Variants in NCOA6 observed in about 807,000 individuals in gnomAD.
NCOA6 encodes NRC RAP250.
A neutral mutation model predicts 171.4 loss-of-function variants in NCOA6; 49 were observed. That is an observed-to-expected ratio of 0.29 (90% CI 0.23 to 0.36). The LOEUF is 0.36. Ranked by LOEUF, NCOA6 falls within the 10% of genes least tolerant of loss-of-function variation. The pLI is 1.00. For missense variants in NCOA6, 2,248 were observed against 2,554.5 expected (o/e 0.88, Z 2.59); for synonymous variants, 910 against 927.5 (o/e 0.98, Z 0.34).
In NCOA6 at chr20:34,750,450, G is replaced by A; in HGVS notation, c.1745C>T (p.Pro582Leu). ...GTTGCCATGAATTCCCATGAGGCTG[G>A]GCTGCATCATATTTGGCGGCCCGTG... The part of the protein sequence containing the change: ...VSHGPPNMMQ[P>L]SLMGIHGNMN... Residue 582 changes from proline to leucine, a missense_variant, in exon 9 of 15, where the codon CCC becomes CTC. By Grantham distance (98) the Pro-to-Leu change is moderately conservative (BLOSUM62 -3). Transcript: ENST00000359003. 3 of 1,613,938 alleles carry A rather than the reference G, an allele frequency of 1.9e-6. No individual in the cohort carries two copies. Among genetic ancestry groups the A allele is most frequent in the Non-Finnish European group, 2.5e-6 (3 of 1,179,992 alleles).
At chr20:34,796,823 T>TA (rs2078091492) in intron 1 of NCOA6, among the ~76,000 whole-genome samples, 1 of 141,084 alleles carries the variant, frequency 7.1e-6, no homozygotes, top group East Asian at 2.1e-4. Context: ...CCGTCTCAAA[T>TA]TAAAAAAAAA....
intron 1 of NCOA6, among the ~76,000 whole-genome samples, chr20:34,807,766 C>T (rs1424713313): frequency 6.6e-6 from 1 of 151,946 alleles, no homozygotes; most frequent in Non-Finnish European, 1.5e-5. Context: ...ACCTCATGAT[C>T]CGCCCTCCTC....
intron 12 of NCOA6, among the ~76,000 whole-genome samples, chr20:34,736,026 C>T (rs1261354680): frequency 6.6e-6 from 1 of 152,046 alleles, no homozygotes; most frequent in East Asian, 1.9e-4. Context: ...TATTTATCTG[C>T]CTCCATAGTC....
rs1164098256 is a variant in NCOA6, at chr20:34,812,898, T to C, written c.-164+12574A>G. Among the ~76,000 whole-genome samples, 3 of 152,184 alleles carry C rather than the reference T, an allele frequency of 2.0e-5. No homozygotes were observed. The East Asian group carries it at 5.8e-4, about 29-fold the overall frequency. ...GGCCGGTCACAGTGACTCATGCCTA[T>C]AATCCCAGCACACTGGGAGGCTGAG... On this transcript the variant is annotated intron_variant, in intron 1 of 14. Transcript: ENST00000359003.
intron 7 of NCOA6, among the ~76,000 whole-genome samples, chr20:34,756,966 T>C (rs1319704740): frequency 6.6e-6 from 1 of 152,222 alleles, no homozygotes; most frequent in East Asian, 1.9e-4. Flanking sequence ...AAAAATAATT[T>C]GAAAAACAAA....
chr20:34,793,498 C>T (rs993730870), intron 1 of NCOA6, among the ~76,000 whole-genome samples: 3 of 151,718 alleles, frequency 2.0e-5, no homozygotes, highest in Admixed American at 6.6e-5. Flanking sequence ...TGGTGCATGC[C>T]GGTGGTCCCA....
intron 5 of NCOA6, among the ~76,000 whole-genome samples, chr20:34,759,388 G>A (rs1237772045): frequency 4.0e-5 from 6 of 150,352 alleles, no homozygotes; most frequent in African/African-American, 1.5e-4. Flanking sequence ...TAAAAAATTT[G>A]CTCTTATGTC....
rs1444607511 is a variant in NCOA6, at chr20:34,742,828, A to T, written c.3428T>A (p.Val1143Asp). 1 of 1,614,062 alleles carries T rather than the reference A, an allele frequency of 6.2e-7. No homozygotes were observed. Among genetic ancestry groups the T allele is most frequent in the African/African-American group, 1.3e-5 (1 of 74,912 alleles). ...PEASGSEAPS[V>D]PGGPNNMPSH... is the part of the protein sequence containing the mutation. The stretch of plus-strand genomic sequence containing the variant: ...AGGCATGTTGTTTGGGCCTCCTGGG[A>T]CAGATGGTGCTTCACTGCCACTTGC... The change falls in exon 11 of 15, where the codon GTC (valine) becomes GAC (aspartate). Residue 1143 changes from valine to aspartate, a missense_variant. Around this residue, in one of 7 missense-constraint regions of NCOA6, gnomAD observed 352 missense variants for 419.1 expected, o/e 0.84. Transcript: ENST00000359003.
chr20:34,765,483 G>A (rs1429805806), intron 5 of NCOA6, among the ~76,000 whole-genome samples: 1 of 150,448 alleles, frequency 6.6e-6, no homozygotes, highest in East Asian at 2.0e-4. Context: ...GGTCCATAAT[G>A]AGCTTCCTAA....
At chr20:34,784,412 G>T (rs1016873552) in intron 2 of NCOA6, among the ~76,000 whole-genome samples, 1 of 151,956 alleles carries the variant, frequency 6.6e-6, no homozygotes, top group South Asian at 2.1e-4. Context: ...TTTTTGCAGA[G>T]ATTGGATCTT....
intron 1 of NCOA6, among the ~76,000 whole-genome samples, chr20:34,824,511 G>A (rs894707475): frequency 6.6e-6 from 1 of 152,120 alleles, no homozygotes; most frequent in Non-Finnish European, 1.5e-5. Context: ...CTGCTCTTAA[G>A]CTGTGGGCTG....
chr20:34,741,019 G>A lies in NCOA6; in HGVS notation c.5237C>T (p.Pro1746Leu), dbSNP rs1439166640. Residue 1746 changes from proline to leucine, a missense_variant, in exon 11 of 15, where the codon CCT becomes CTT. Physicochemically the swap from Pro to Leu is moderately conservative, Grantham distance 98. Coordinates refer to ENST00000359003, the MANE Select transcript of NCOA6 (RefSeq NM_014071.5). ...SRATPVQLPS[P>L]PCTSSPVVPS... is the part of the protein sequence containing the mutation. ...GACAACTGGAGAAGACGTACAAGGA[G>A]GGGAAGGAAGCTGAACAGGGGTGGC... The A allele has an allele frequency of 6.2e-7, 1 of 1,614,120 alleles. No homozygotes were observed. The highest frequency in any genetic ancestry group is 2.2e-5 in the East Asian group (1 of 44,898).
chr20:34,731,456 T>C (rs1165307678), intron 13 of NCOA6, among the ~76,000 whole-genome samples: 1 of 152,248 alleles, frequency 6.6e-6, no homozygotes, highest in Non-Finnish European at 1.5e-5. Context: ...TTGGGCAATT[T>C]AGTTAACCTT....
At chr20:34,732,708 G>A (rs2075825040) in intron 12 of NCOA6, 113 bp from the exon 13 acceptor site, 4 of 838,760 alleles carry the variant, frequency 4.8e-6, no homozygotes, top group Non-Finnish European at 5.7e-6. Flanking sequence ...CCTGTGCCCA[G>A]CAGGATTCTC....
intron 1 of NCOA6, among the ~76,000 whole-genome samples, chr20:34,814,056 C>T (rs1198997192): frequency 1.3e-5 from 2 of 152,230 alleles, no homozygotes; most frequent in Non-Finnish European, 2.9e-5. Context: ...TAGGGCTGGG[C>T]ATGGTGGCTC....
chr20:34,772,806 A>G (rs2077192145), intron 4 of NCOA6, among the ~76,000 whole-genome samples: 2 of 152,156 alleles, frequency 1.3e-5, no homozygotes, highest in Admixed American at 6.5e-5. Flanking sequence ...CTCATTCTTA[A>G]TTTTAATAGA....
At chr20:34,771,482 A>G (rs1277169367) in intron 4 of NCOA6, among the ~76,000 whole-genome samples, 3 of 152,144 alleles carry the variant, frequency 2.0e-5, no homozygotes, top group Non-Finnish European at 2.9e-5. Flanking sequence ...GGAATACCAA[A>G]TCTTCAAAAT....
rs962021855 is a variant in NCOA6 at position 34,741,138 on chromosome 20, T to C, written c.5118A>G (p.Ile1706Met). 2.3e-5 allele frequency: 37 copies of C among 1,614,128 alleles called. No homozygotes were observed. Among genetic ancestry groups the C allele is most frequent in the Non-Finnish European group, 3.1e-5 (37 of 1,180,058 alleles). ...VVGPLHIPQN[I>M]KFSSAPVPPN... is the part of the protein sequence containing the mutation. Reference sequence around the variant, plus strand: ...GCGGTACAGGAGCAGAAGAAAATTTTATGTTCTGAGGTATGTGTAAAGGGC... The same window carrying C: ...GCGGTACAGGAGCAGAAGAAAATTTCATGTTCTGAGGTATGTGTAAAGGGC... Residue 1706 changes from isoleucine to methionine, a missense_variant, in exon 11 of 15, where the codon ATA becomes ATG. By Grantham distance (10) the Ile-to-Met change is conservative. Coordinates refer to ENST00000359003, the MANE Select transcript of NCOA6 (RefSeq NM_014071.5).
Position 34,757,740 on chromosome 20 carries a change from G to A in NCOA6, c.1008C>T (p.Gly336=). The change falls in exon 7 of 15, where the codon GGC becomes GGT. Residue 336 remains glycine (G), a synonymous_variant. Coordinates refer to ENST00000359003, the MANE Select transcript of NCOA6 (RefSeq NM_014071.5). ...TCCACCCTTGGTTTGCAGTCATTGT[G>A]CCCAGAGAACCCTGGGCTGGAGGAG... is the stretch of plus-strand genomic sequence containing the variant. ...LQPPPAQGSL[G]TMTANQGWKK... 6.2e-7 allele frequency: 1 copy of A among 1,614,184 alleles called. No homozygotes were observed. Among genetic ancestry groups the A allele is most frequent in the Non-Finnish European group, 8.5e-7 (1 of 1,180,032 alleles).
Sources: gnomAD v4.1 joint callset for allele counts (sites outside exome capture counted in the v4.1 genomes callset) on GRCh38, gnomAD v4.1.1 for gene constraint, gnomAD v4.1.1 regional missense constraint, MANE v1.5 for transcripts, NCBI Gene and HGNC (gene_info 2026-07-23, HGNC 2026-07-21) for gene names.